IL1RAPL2: variants seen among roughly 807,000 people sequenced by gnomAD.
The protein encoded by IL1RAPL2 is X-linked interleukin-1 receptor accessory protein-like 2.
Under a neutral mutation model 44.1 loss-of-function variants are expected in IL1RAPL2, and 3 were observed. That is an observed-to-expected ratio of 0.07 (90% CI 0.03 to 0.18). IL1RAPL2 has a LOEUF of 0.18. Ranked by LOEUF, IL1RAPL2 falls within the 10% of genes least tolerant of loss-of-function variation. The probability of loss-of-function intolerance (pLI) is 1.00; values close to 1 mark genes in which losing one functional copy is unlikely to be tolerated. For missense variants in IL1RAPL2, 391 were observed against 496.4 expected (o/e 0.79, Z 2.02); for synonymous variants, 181 against 178.8 (o/e 1.01, Z -0.10).
chrX:105,649,669 T>C (rs2037629575), intron 6 of IL1RAPL2, among the ~76,000 whole-genome samples: 1 of 109,421 alleles, frequency 9.1e-6, no homozygotes, highest in Non-Finnish European at 1.9e-5. Flanking sequence ...ACCCAAGGAG[T>C]GTAGGAAATC....
intron 5 of IL1RAPL2, among the ~76,000 whole-genome samples, chrX:105,309,930 C>T (rs1741715): frequency 0.27 from 29,480 of 110,187 alleles, 7,831 homozygotes; most frequent in African/African-American, 0.83. Context: ...TATTAATGAG[C>T]CATATGATTT....
intron 5 of IL1RAPL2, among the ~76,000 whole-genome samples, chrX:105,298,840 G>T (rs1314509826): frequency 9.0e-6 from 1 of 111,339 alleles, no homozygotes; most frequent in Admixed American, 9.6e-5. Context: ...TGAGTTGAAG[G>T]AAGTGATCAA....
At chrX:104,964,710 C>T (rs2030085841) in intron 2 of IL1RAPL2, among the ~76,000 whole-genome samples, 1 of 111,649 alleles carries the variant, frequency 9.0e-6, no homozygotes, top group Admixed American at 9.6e-5. Context: ...TTTACAGATA[C>T]TAGTTGGTTT....
intron 2 of IL1RAPL2, among the ~76,000 whole-genome samples, chrX:105,070,865 C>T (rs1406127256): frequency 9.1e-6 from 1 of 109,573 alleles, no homozygotes; most frequent in African/African-American, 3.3e-5. Context: ...CCTTTCTATG[C>T]ATTTACATAC....
intron 8 of IL1RAPL2, among the ~76,000 whole-genome samples, chrX:105,746,630 AC>A (rs2038545135): frequency 9.0e-6 from 1 of 111,693 alleles, no homozygotes; most frequent in Non-Finnish European, 1.9e-5. Flanking sequence ...TATAAAATGG[AC>A]CCCAAAATCA....
chrX:104,610,563 A>C (rs1295781302), intron 1 of IL1RAPL2, among the ~76,000 whole-genome samples: 1 of 111,929 alleles, frequency 8.9e-6, no homozygotes. Flanking sequence ...TAGGAATCCA[A>C]CTTACAAAGG....
At chrX:105,282,650 T>C (rs1208161066) in intron 5 of IL1RAPL2, among the ~76,000 whole-genome samples, 1 of 111,967 alleles carries the variant, frequency 8.9e-6, no homozygotes, top group Non-Finnish European at 1.9e-5. Flanking sequence ...TGAATGAATT[T>C]ACATATTTTG....
intron 1 of IL1RAPL2, among the ~76,000 whole-genome samples, chrX:104,631,571 A>T (rs1165870974): frequency 9.0e-6 from 1 of 111,533 alleles, no homozygotes. Flanking sequence ...GTTTTGATTT[A>T]CATTTCTCTG....
intron 4 of IL1RAPL2, among the ~76,000 whole-genome samples, chrX:105,253,551 G>A (rs1454488166): frequency 9.2e-6 from 1 of 108,180 alleles, no homozygotes; most frequent in Non-Finnish European, 2.0e-5. Flanking sequence ...CCATATCTGA[G>A]TCTGTTTTTT....
chrX:104,914,597 G>A (rs1200083372), intron 2 of IL1RAPL2, among the ~76,000 whole-genome samples: 1 of 110,863 alleles, frequency 9.0e-6, no homozygotes, highest in African/African-American at 3.3e-5. Flanking sequence ...TTAAGTTTTA[G>A]GGTACATGTG....
chrX:105,732,612 T>C (rs1392497602), intron 7 of IL1RAPL2, among the ~76,000 whole-genome samples: 2 of 111,640 alleles, frequency 1.8e-5, no homozygotes, highest in Non-Finnish European at 3.8e-5. Flanking sequence ...ACTTTTCTTA[T>C]TAATTTTACC....
At chrX:105,752,183 C>G (rs2038602094) in intron 9 of IL1RAPL2, among the ~76,000 whole-genome samples, 1 of 111,508 alleles carries the variant, frequency 9.0e-6, no homozygotes, top group South Asian at 3.7e-4. Flanking sequence ...TATTCTTCAT[C>G]TGGATCAACA....
At chrX:105,189,732 C>T (rs1485254102) in intron 2 of IL1RAPL2, among the ~76,000 whole-genome samples, 1 of 111,702 alleles carries the variant, frequency 9.0e-6, no homozygotes, top group Non-Finnish European at 1.9e-5. Context: ...AATTAGCATA[C>T]ATTACCTTAC....
At chrX:104,938,757 G>A (rs1925087684) in intron 2 of IL1RAPL2, among the ~76,000 whole-genome samples, 1 of 110,756 alleles carries the variant, frequency 9.0e-6, no homozygotes, top group South Asian at 3.8e-4. Flanking sequence ...TTAATTGGAG[G>A]CATGGGAGCT....
chrX:105,608,088 G>A (rs183437805), intron 6 of IL1RAPL2, among the ~76,000 whole-genome samples: 8 of 110,730 alleles, frequency 7.2e-5, no homozygotes, highest in Non-Finnish European at 1.5e-4. Context: ...TTAATTTAAG[G>A]GAATACTCTG....
chrX:105,695,714 A>C (rs1346392244), intron 6 of IL1RAPL2, among the ~76,000 whole-genome samples: 2 of 111,456 alleles, frequency 1.8e-5, no homozygotes, highest in Non-Finnish European at 1.9e-5. Context: ...CATATCATTT[A>C]GTCATCACAA....
chrX:104,568,282 A>AAGGG (rs774151646), intron 1 of IL1RAPL2, among the ~76,000 whole-genome samples: 206 of 111,386 alleles, frequency 1.8e-3, no homozygotes, highest in African/African-American at 6.5e-3. Flanking sequence ...CCAAGGAAGT[A>AAGGG]AGGGAGGGAG....
intron 2 of IL1RAPL2, among the ~76,000 whole-genome samples, chrX:104,700,415 C>G (rs1172185885): frequency 9.0e-6 from 1 of 111,401 alleles, no homozygotes; most frequent in African/African-American, 3.3e-5. Flanking sequence ...TCTCTGTATC[C>G]CCTTTTCTTC....
At chrX:105,561,637 C>G (rs1360518143) in intron 6 of IL1RAPL2, among the ~76,000 whole-genome samples, 2 of 111,506 alleles carry the variant, frequency 1.8e-5, no homozygotes, top group Non-Finnish European at 3.8e-5. Context: ...GCATATAAAG[C>G]ATATATGAGT....
Sources: gnomAD v4.1 joint callset for allele counts (sites outside exome capture counted in the v4.1 genomes callset) on GRCh38, gnomAD v4.1.1 for gene constraint, MANE v1.5 for transcripts, NCBI Gene and HGNC (gene_info 2026-07-23, HGNC 2026-07-21) for gene names.